Variants in SCMH1 observed in about 807,000 individuals in gnomAD.
SCMH1 encodes the protein polycomb protein SCMH1.
SCMH1 carries 37 observed loss-of-function variants against 70.8 expected under a neutral mutation model. The ratio of observed to expected loss-of-function variants is 0.52; its 90% CI spans 0.40 to 0.69. The LOEUF is 0.69. SCMH1 is among the 30% of genes least tolerant of loss of function. The pLI is 0.00. For synonymous variants in SCMH1, 292 were observed against 307.4 expected, an observed-to-expected ratio of 0.95 and a Z score of 0.52; for missense variants, 607 against 827.3, an observed-to-expected ratio of 0.73 and a Z score of 3.27.
At chr1:41,204,527 G>C (rs1273527870) in intron 1 of SCMH1, among the ~76,000 whole-genome samples, 1 of 152,040 alleles carries the variant, frequency 6.6e-6, no homozygotes, top group East Asian at 1.9e-4. Flanking sequence ...CAGCTATACT[G>C]GTCTTCTCAG....
intron 13 of SCMH1, among the ~76,000 whole-genome samples, chr1:41,035,284 C>T (rs755818479): frequency 6.6e-6 from 1 of 152,136 alleles, no homozygotes; most frequent in Non-Finnish European, 1.5e-5. Flanking sequence ...ATACTCTCCC[C>T]CTTCCTCCCA....
At chr1:41,083,300 C>T (rs556204344) in intron 8 of SCMH1, among the ~76,000 whole-genome samples, 30 of 152,224 alleles carry the variant, frequency 2.0e-4, no homozygotes, top group African/African-American at 7.0e-4. Context: ...AATCAATGTA[C>T]AAAAATCACA....
At chr1:41,163,611 G>C (rs577760964) in intron 2 of SCMH1, among the ~76,000 whole-genome samples, 9 of 152,352 alleles carry the variant, frequency 5.9e-5, no homozygotes, top group African/African-American at 2.2e-4. Flanking sequence ...CACAGGTACA[G>C]AGAAAATATC....
chr1:41,046,825 G>A (rs74071129), intron 11 of SCMH1, among the ~76,000 whole-genome samples: 1 of 152,210 alleles, frequency 6.6e-6, no homozygotes, highest in Admixed American at 6.5e-5. Context: ...GGCCAGGTCT[G>A]TTGCACCCTG....
intron 10 of SCMH1, among the ~76,000 whole-genome samples, chr1:41,065,328 G>C (rs1041078730): frequency 6.6e-6 from 1 of 152,168 alleles, no homozygotes; most frequent in Non-Finnish European, 1.5e-5. Context: ...AATTAGCTAG[G>C]TATAGTGGCA....
chr1:41,033,055 G>A (rs551614946), intron 13 of SCMH1, among the ~76,000 whole-genome samples: 2 of 152,118 alleles, frequency 1.3e-5, no homozygotes, highest in African/African-American at 2.4e-5. Context: ...ACTCTGGGAG[G>A]CTGAGGCAGG....
intron 2 of SCMH1, among the ~76,000 whole-genome samples, chr1:41,169,038 C>A (rs148694740): frequency 6.6e-6 from 1 of 152,134 alleles, no homozygotes; most frequent in Non-Finnish European, 1.5e-5. Flanking sequence ...GTGGCAAAAA[C>A]CTGTACTCAA....
chr1:41,082,669 A>T (rs1016594244), intron 8 of SCMH1, among the ~76,000 whole-genome samples: 1 of 152,058 alleles, frequency 6.6e-6, no homozygotes, highest in Middle Eastern at 3.2e-3. Flanking sequence ...GAGACACAAC[A>T]AAAAAAGAGA....
chr1:41,132,643 T>C (rs1642551876), intron 6 of SCMH1, among the ~76,000 whole-genome samples: 1 of 152,248 alleles, frequency 6.6e-6, no homozygotes, highest in African/African-American at 2.4e-5. Flanking sequence ...TGAATGGTAC[T>C]GCCCAGGTTT....
chr1:41,043,928 T>C (rs1354758058), intron 12 of SCMH1: 1 of 152,140 alleles, frequency 6.6e-6, no homozygotes. Context: ...TATGTGTATA[T>C]ATAGTTAGGA....
chr1:41,058,723 G>T (rs1428574764), intron 10 of SCMH1, among the ~76,000 whole-genome samples: 2 of 152,048 alleles, frequency 1.3e-5, no homozygotes, highest in African/African-American at 4.8e-5. Context: ...GGCGGTAAGG[G>T]GAATGGTTAC....
intron 8 of SCMH1, among the ~76,000 whole-genome samples, chr1:41,095,777 T>C (rs1215643460): frequency 1.3e-5 from 2 of 152,204 alleles, no homozygotes; most frequent in Non-Finnish European, 2.9e-5. Flanking sequence ...AAGGATACGT[T>C]CCTTGGCATT....
chr1:41,075,344 G>T, exon 9 of SCMH1: 1 of 1,614,050 alleles, frequency 6.2e-7, no homozygotes, highest in Non-Finnish European at 8.5e-7. Flanking sequence ...CCTGGTTTAC[G>T]CCCCCTCTGC....
chr1:41,189,090 G>C (rs1163394700), intron 1 of SCMH1, among the ~76,000 whole-genome samples: 3 of 152,178 alleles, frequency 2.0e-5, no homozygotes, highest in South Asian at 2.1e-4. Flanking sequence ...GGAGACAGAG[G>C]ATTCATCTGT....
rs67410901 is a variant in SCMH1, at chr1:41,136,773, C to CT, written c.412+6104dup. ...ACATTTTTTCTCCCAAAGGACAGTA[C>CT]TTTTTTTTTTTTTTTTTTTTTTGAG... is the stretch of plus-strand genomic sequence containing the variant. On this transcript the variant is annotated intron_variant, in intron 6 of 14. Coordinates refer to ENST00000337495, the Ensembl canonical transcript of SCMH1. Among the ~76,000 whole-genome samples the CT allele has an allele frequency of 9.9e-3, 1,069 of 108,412 alleles. 33 individuals are homozygous for CT. Among genetic ancestry groups the CT allele is most frequent in the African/African-American group, 0.023 (636 of 28,252 alleles). 71.1% of individuals were successfully genotyped at this position (108,412 alleles called of 152,430 possible).
At chr1:41,184,652 T>C (rs969376350) in intron 2 of SCMH1, among the ~76,000 whole-genome samples, 6 of 152,144 alleles carry the variant, frequency 3.9e-5, no homozygotes, top group Non-Finnish European at 7.3e-5. Context: ...GGGAAGCAGA[T>C]GTCAGAGAGA....
At chr1:41,146,570 C>T (rs1353475248) in intron 5 of SCMH1, among the ~76,000 whole-genome samples, 3 of 151,588 alleles carry the variant, frequency 2.0e-5, no homozygotes. Context: ...GTACCTTTTC[C>T]ATGTTTAGAT....
intron 2 of SCMH1, among the ~76,000 whole-genome samples, chr1:41,179,604 G>A (rs1157461208): frequency 6.6e-6 from 1 of 152,144 alleles, no homozygotes; most frequent in African/African-American, 2.4e-5. Context: ...AAATAAACTA[G>A]GATATCTAGA....
rs182647474 is a variant in SCMH1 at position 41,127,561 on chromosome 1, A to T, written c.413-10551T>A. Among the ~76,000 whole-genome samples, 9 of 152,288 alleles carry T rather than the reference A, an allele frequency of 5.9e-5. No homozygotes were observed. In the East Asian group the frequency reaches 1.7e-3, roughly 29 times the overall value. On this transcript the variant is annotated intron_variant, in intron 6 of 14. Transcript: ENST00000337495. ...TTCCTAATGGCTATTAACTTATCCC[A>T]ATGTCATTTATGAAAAAGTCAATTT...
Sources: allele counts gnomAD v4.1 joint callset (sites outside exome capture counted in the v4.1 genomes callset), GRCh38; gene constraint gnomAD v4.1.1; transcripts MANE v1.5; gene names NCBI Gene and HGNC (gene_info 2026-07-23, HGNC 2026-07-21).